The following SPATA7 variants were observed in gnomAD, a reference collection of about 807,000 sequenced individuals.
SPATA7 encodes spermatogenesis associated 7, also known as spermatogenesis-associated protein 7.
SPATA7 carries 43 observed loss-of-function variants against 51.8 expected under a neutral mutation model. The observed-to-expected ratio is 0.83, with a 90% CI of 0.65 to 1.07. SPATA7 has a LOEUF of 1.07. Among genes scored for constraint, SPATA7 ranks in the 50% least tolerant of loss-of-function variants. The pLI is 0.00. For synonymous variants in SPATA7, 230 were observed against 252.8 expected (o/e 0.91, Z 0.86); for missense variants, 683 against 701.3 (o/e 0.97, Z 0.30).
chr14:88,453,759 A>C (rs2077266873), intron 3 of SPATA7, among the ~76,000 whole-genome samples: 1 of 152,216 alleles, frequency 6.6e-6, no homozygotes, highest in Admixed American at 6.5e-5. Flanking sequence ...TGCTAAACCG[A>C]TTCATACTTC....
chr14:88,440,103 C>T (rs2077168002), downstream of SPATA7, among the ~76,000 whole-genome samples: 1 of 152,172 alleles, frequency 6.6e-6, no homozygotes. Context: ...GTCCCAGCCT[C>T]ACTCTTTCAC....
At chr14:88,462,118 TGTAA>T (rs1396788523) in intron 4 of SPATA7, among the ~76,000 whole-genome samples, 4 of 152,202 alleles carry the variant, frequency 2.6e-5, no homozygotes, top group Non-Finnish European at 4.4e-5. Context: ...TATTAATCAC[TGTAA>T]GTAACAAAAT....
chr14:88,433,287 A>C, intron 10 of SPATA7, 75 bp downstream of exon 10: 1 of 1,085,296 alleles, frequency 9.2e-7, no homozygotes, highest in Non-Finnish European at 1.4e-6. Flanking sequence ...TATGATGTTA[A>C]AATTTTAAAG....
chr14:88,424,575 C>A (rs1380183853), intron 5 of SPATA7, among the ~76,000 whole-genome samples: 1 of 152,080 alleles, frequency 6.6e-6, no homozygotes, highest in Non-Finnish European at 1.5e-5. Context: ...TTGTGCTGTT[C>A]TTCTAAGTGT....
intron 4 of SPATA7, among the ~76,000 whole-genome samples, chr14:88,411,640 C>G (rs58578390): frequency 0.035 from 5,359 of 152,206 alleles, 310 homozygotes; most frequent in African/African-American, 0.12. Flanking sequence ...TCCCCTACCC[C>G]TTGCGCTTCC....
At chr14:88,434,703 G>GA (rs2077036200) in intron 10 of SPATA7, among the ~76,000 whole-genome samples, 2 of 145,264 alleles carry the variant, frequency 1.4e-5, no homozygotes. Flanking sequence ...AAAAAAAAAA[G>GA]AAAAAGAAAA....
rs537530830 is a variant in SPATA7 at position 88,429,530 on chromosome 14, G to C, written c.1028+67G>C. 1.9e-5 allele frequency: 19 copies of C among 1,020,000 alleles called. No homozygotes were observed. The Admixed American group carries it at 2.1e-4, about 11-fold the overall frequency. The allele number at this position is 1,020,000 out of a possible 1,614,324, so 63.2% of individuals were successfully genotyped here. A position where few individuals can be genotyped will look rare whatever the true frequency, so the allele number is the denominator to read the frequency against. ...TGCCTTCTTGTATAACAGACATATA[G>C]TATTTGCCGCATAAGTACTATTTAA... On this transcript the variant is annotated intron_variant, in intron 8 of 11. Coordinates refer to ENST00000393545, the MANE Select transcript of SPATA7 (RefSeq NM_018418.5).
chr14:88,446,504 G>A (rs1214573116), intron 3 of SPATA7, among the ~76,000 whole-genome samples: 1 of 151,550 alleles, frequency 6.6e-6, no homozygotes, highest in Non-Finnish European at 1.5e-5. Flanking sequence ...TCTGATTTTA[G>A]TTATTTCTTG....
intron 4 of SPATA7, chr14:88,467,998 C>T: frequency 1.8e-6 from 2 of 1,092,684 alleles, no homozygotes; most frequent in Non-Finnish European, 2.7e-6. Flanking sequence ...CAGCGTGCCG[C>T]CATTCAGACT....
At chr14:88,421,045 G>A (rs1353046483) in intron 5 of SPATA7, among the ~76,000 whole-genome samples, 1 of 151,956 alleles carries the variant, frequency 6.6e-6, no homozygotes, top group African/African-American at 2.4e-5. Flanking sequence ...CCCAGGAGGT[G>A]GGAGGTCTCA....
intron 1 of SPATA7, among the ~76,000 whole-genome samples, chr14:88,388,167 C>A (rs1163389683): frequency 2.0e-5 from 3 of 151,772 alleles, no homozygotes; most frequent in Non-Finnish European, 4.4e-5. Flanking sequence ...ATGCCACTGC[C>A]CTCCAGCCTG....
At chr14:88,415,570 T>A (rs2076453870) in intron 4 of SPATA7, among the ~76,000 whole-genome samples, 1 of 152,112 alleles carries the variant, frequency 6.6e-6, no homozygotes, top group Non-Finnish European at 1.5e-5. Flanking sequence ...CTGTGCCTTT[T>A]AACTGGGTAC....
chr14:88,391,846 G>A, intron 2 of SPATA7: 1 of 215,456 alleles, frequency 4.6e-6, no homozygotes, highest in Non-Finnish European at 9.4e-6. Flanking sequence ...TTCCTATTAG[G>A]AGCAAAGGCC....
At chr14:88,421,334 A>C (rs1475542439) in intron 5 of SPATA7, among the ~76,000 whole-genome samples, 1 of 152,116 alleles carries the variant, frequency 6.6e-6, no homozygotes, top group African/African-American at 2.4e-5. Context: ...TGATCTCTTA[A>C]GAGCTTTGTT....
intron 4 of SPATA7, among the ~76,000 whole-genome samples, chr14:88,400,205 TA>T (rs2139899747): frequency 6.6e-6 from 1 of 152,258 alleles, no homozygotes; most frequent in South Asian, 2.1e-4. Flanking sequence ...ACATGGCAAC[TA>T]AACAACACAT....
chr14:88,451,770 C>G (rs1223788792), intron 3 of SPATA7, among the ~76,000 whole-genome samples: 4 of 152,188 alleles, frequency 2.6e-5, no homozygotes, highest in African/African-American at 9.7e-5. Context: ...AGTGATCCAC[C>G]TGCTTCGGCC....
chr14:88,457,191 T>C (rs1353653438), downstream of SPATA7, among the ~76,000 whole-genome samples: 1 of 152,206 alleles, frequency 6.6e-6, no homozygotes, highest in Non-Finnish European at 1.5e-5. Context: ...TGGCTTAGGA[T>C]TGTCTTGGCA....
intron 3 of SPATA7, among the ~76,000 whole-genome samples, chr14:88,453,730 G>GT (rs1435162076): frequency 6.6e-6 from 1 of 152,188 alleles, no homozygotes; most frequent in Non-Finnish European, 1.5e-5. Flanking sequence ...ATGTGCTGGT[G>GT]TAGTATTGGA....
At chr14:88,393,547 C>T (rs1386385424) in intron 3 of SPATA7, 59 bp downstream of exon 3, 1 of 1,208,650 alleles carries the variant, frequency 8.3e-7, no homozygotes, top group Non-Finnish European at 1.2e-6. Flanking sequence ...CTTCACTTCT[C>T]ATTAAAATAT....
Sources: gnomAD v4.1 joint callset for allele counts (sites outside exome capture counted in the v4.1 genomes callset) on GRCh38, gnomAD v4.1.1 for gene constraint, MANE v1.5 for transcripts, NCBI Gene and HGNC (gene_info 2026-07-23, HGNC 2026-07-21) for gene names.